The following CNTNAP2 variants were observed in gnomAD, a reference collection of about 807,000 sequenced individuals.
CNTNAP2 encodes contactin associated protein 2.
In CNTNAP2, 98 loss-of-function variants were observed where a neutral mutation model predicts 155.2. The observed-to-expected ratio is 0.63, with a 90% confidence interval of 0.54 to 0.75. The LOEUF (loss-of-function observed/expected upper bound fraction) is 0.75, where lower values mean the gene tolerates loss of function less well. Among genes scored for constraint, CNTNAP2 ranks in the 30% least tolerant of loss-of-function variants. The pLI is 0.00. For missense variants in CNTNAP2, 1,727 were observed against 1,688.1 expected, an observed-to-expected ratio of 1.02 and a Z score of -0.40; for synonymous variants, 651 against 631.2, an observed-to-expected ratio of 1.03 and a Z score of -0.47.
chr7:148,229,517 C>G, intron 19 of CNTNAP2, 129 bp from the exon 20 acceptor site: 1 of 1,263,490 alleles, frequency 7.9e-7, no homozygotes, highest in Non-Finnish European at 1.1e-6. Flanking sequence ...AGCAAGACTC[C>G]GTCAAAAAAA....
rs188514312 is a variant in CNTNAP2, at chr7:146,879,735, G to A, written c.402+39831G>A. On this transcript the variant is annotated intron_variant, in intron 3 of 23. Transcript: ENST00000361727. ...TCTACATCTTAGCTCATGAGCTCAC[G>A]GTCAGTGCTCAGTGAATGTTATTTT... Among the ~76,000 whole-genome samples, 117 of 152,030 alleles carry A rather than the reference G, an allele frequency of 7.7e-4. 1 individual carries two copies. Among genetic ancestry groups the A allele is most frequent in the African/African-American group, 2.5e-3 (105 of 41,468 alleles).
intron 8 of CNTNAP2, among the ~76,000 whole-genome samples, chr7:147,279,471 C>A (rs1804979250): frequency 6.6e-6 from 1 of 151,648 alleles, no homozygotes; most frequent in Non-Finnish European, 1.5e-5. Context: ...GCCAATAGGA[C>A]CTAATAATCA....
intron 8 of CNTNAP2, chr7:147,167,658 C>G (rs1032626252): frequency 1.6e-5 from 7 of 425,984 alleles, no homozygotes; most frequent in Non-Finnish European, 2.9e-5. Flanking sequence ...AGGGTATGGG[C>G]CACCTTATTA....
chr7:147,596,079 T>C (rs1800822543), intron 12 of CNTNAP2, among the ~76,000 whole-genome samples: 1 of 152,204 alleles, frequency 6.6e-6, no homozygotes, highest in Non-Finnish European at 1.5e-5. Flanking sequence ...TCTTGTTGTT[T>C]ACCAGGCGTC....
rs891493946 is a variant in CNTNAP2, at chr7:148,163,265, C to A, written c.2774-8977C>A. Among the ~76,000 whole-genome samples, 4 of 152,310 alleles carry A rather than the reference C, an allele frequency of 2.6e-5. No individual in the cohort carries two copies. The East Asian group carries it at 7.7e-4, about 29-fold the overall frequency. On this transcript the variant is annotated intron_variant, in intron 17 of 23. Coordinates refer to ENST00000361727, the MANE Select transcript of CNTNAP2 (RefSeq NM_014141.6). ...ATATGACAGCAAATGAATTAACTCT[C>A]TTATTCTCAGTTCACTCGTCTGTAA...
intron 1 of CNTNAP2, among the ~76,000 whole-genome samples, chr7:146,640,851 G>A (rs964000310): frequency 6.6e-6 from 1 of 152,082 alleles, no homozygotes; most frequent in Non-Finnish European, 1.5e-5. Flanking sequence ...GAAAGGAAAA[G>A]GAAACAAATC....
At chr7:147,786,241 C>T (rs1395711048) in intron 13 of CNTNAP2, among the ~76,000 whole-genome samples, 2 of 152,220 alleles carry the variant, frequency 1.3e-5, no homozygotes, top group Non-Finnish European at 2.9e-5. Context: ...CACTGCACTC[C>T]AGCCTGGGCG....
chr7:147,458,285 A>G (rs190636020), intron 10 of CNTNAP2, among the ~76,000 whole-genome samples: 4 of 152,282 alleles, frequency 2.6e-5, no homozygotes, highest in Admixed American at 6.5e-5. Context: ...TTATAAATAG[A>G]AACGTGGATC....
At chr7:146,718,528 G>C (rs1249154658) in intron 1 of CNTNAP2, among the ~76,000 whole-genome samples, 5 of 152,058 alleles carry the variant, frequency 3.3e-5, no homozygotes, top group Non-Finnish European at 5.9e-5. Context: ...TTAGAAGGAA[G>C]GATGTCCCAT....
At chr7:146,555,496 G>A (rs11765917) in intron 1 of CNTNAP2, among the ~76,000 whole-genome samples, 7,770 of 52,292 alleles carry the variant, frequency 0.15, 221 homozygotes, top group African/African-American at 0.2. Context: ...TCATCTGTCT[G>A]TCTATCTATC....
At chr7:147,309,216 T>C (rs761998702) in intron 9 of CNTNAP2, among the ~76,000 whole-genome samples, 53 of 152,338 alleles carry the variant, frequency 3.5e-4, no homozygotes, top group Non-Finnish European at 6.2e-4. Context: ...CTGAATATCC[T>C]TCATTAATGC....
intron 1 of CNTNAP2, among the ~76,000 whole-genome samples, chr7:146,537,304 A>T (rs371887487): frequency 2.6e-4 from 40 of 152,258 alleles, no homozygotes; most frequent in Middle Eastern, 3.4e-3. Flanking sequence ...TTTCAAAATA[A>T]GTATCTGAGA....
At chr7:147,193,535 G>A (rs148637358) in intron 8 of CNTNAP2, among the ~76,000 whole-genome samples, 50 of 152,294 alleles carry the variant, frequency 3.3e-4, no homozygotes, top group Non-Finnish European at 6.8e-4. Flanking sequence ...AACTATTTAA[G>A]TAGATTTTTG....
chr7:147,200,143 T>G (rs1295705378), intron 8 of CNTNAP2, among the ~76,000 whole-genome samples: 4 of 151,480 alleles, frequency 2.6e-5, no homozygotes, highest in Non-Finnish European at 5.9e-5. Flanking sequence ...TACCCACTGC[T>G]GCTTCTCCCC....
intron 10 of CNTNAP2, among the ~76,000 whole-genome samples, chr7:147,472,112 G>T (rs1288814233): frequency 1.3e-5 from 2 of 152,006 alleles, no homozygotes; most frequent in Non-Finnish European, 2.9e-5. Context: ...TGAGGCAGCA[G>T]TGGAGAAGCA....
chr7:146,695,024 C>T (rs2131930), intron 1 of CNTNAP2, among the ~76,000 whole-genome samples: 21,743 of 152,062 alleles, frequency 0.14, 3,075 homozygotes, highest in African/African-American at 0.37. Context: ...GTAATCATGA[C>T]ATTTGCATAC....
At chr7:146,644,375 A>G (rs1799772375) in intron 1 of CNTNAP2, among the ~76,000 whole-genome samples, 1 of 152,098 alleles carries the variant, frequency 6.6e-6, no homozygotes, top group African/African-American at 2.4e-5. Context: ...GGGTTGTTGA[A>G]TTTTGTCAAA....
intron 1 of CNTNAP2, among the ~76,000 whole-genome samples, chr7:146,306,403 A>G (rs1239266973): frequency 6.6e-6 from 1 of 152,204 alleles, no homozygotes; most frequent in Non-Finnish European, 1.5e-5. Flanking sequence ...TTTTGAGGCC[A>G]ACATCAGCCT....
intron 8 of CNTNAP2, among the ~76,000 whole-genome samples, chr7:147,205,687 T>A (rs1396073524): frequency 3.4e-4 from 51 of 149,210 alleles, no homozygotes; most frequent in African/African-American, 8.6e-4. Flanking sequence ...AAATAAAATT[T>A]TAAAAAAAAA....
Sources: allele counts gnomAD v4.1 joint callset (sites outside exome capture counted in the v4.1 genomes callset), GRCh38; gene constraint gnomAD v4.1.1; transcripts MANE v1.5; gene names NCBI Gene and HGNC (gene_info 2026-07-23, HGNC 2026-07-21).